The following SFMBT1 variants were observed in gnomAD, a reference collection of about 807,000 sequenced individuals.
SFMBT1 encodes scm-like with four MBT domains protein 1.
Under a neutral mutation model 108.7 loss-of-function variants are expected in SFMBT1, and 32 were observed. That is an observed-to-expected ratio of 0.29 (90% CI 0.22 to 0.40). The LOEUF is 0.40. SFMBT1 is among the 10% of genes least tolerant of loss of function. The pLI is 1.00. For missense variants in SFMBT1, 816 were observed against 1,059.6 expected, an observed-to-expected ratio of 0.77 and a Z score of 3.19; for synonymous variants, 348 against 369.5, an observed-to-expected ratio of 0.94 and a Z score of 0.67.
At position 52,969,207 on chromosome 3, in the gene SFMBT1, T is replaced by C. The variant is rs1704259053; in HGVS notation, c.-79A>G. 3.1e-6 allele frequency: 5 copies of C among 1,595,448 alleles called. No homozygotes were observed. In the South Asian group the frequency reaches 4.6e-5, roughly 15 times the overall value. On this transcript the variant is annotated 5_prime_UTR_variant, in exon 2 of 21. Transcript: ENST00000394752. ...GTTCTGCTAGGATCTGAAGATTACT[T>C]GCAGGTTTCAAGCATCTGTTCAATG...
Position 53,033,913 on chromosome 3 carries a change from T to TA in SFMBT1, c.-131+11902dup, listed in dbSNP as rs564118345. Among the ~76,000 whole-genome samples, 52 of 151,314 alleles carry TA rather than the reference T, an allele frequency of 3.4e-4. No individual in the cohort carries two copies. In the South Asian group the frequency reaches 0.01, roughly 30 times the overall value. ...GGAGAAACCCTGTCTCTACTAAAAA[T>TA]AAAAAAATTAGCGGGGTGTGGTGGC... On this transcript the variant is annotated intron_variant, in intron 1 of 20. Transcript: ENST00000394752.
At chr3:52,911,549 C>A (rs1702214086) in intron 16 of SFMBT1, among the ~76,000 whole-genome samples, 1 of 152,230 alleles carries the variant, frequency 6.6e-6, no homozygotes, top group African/African-American at 2.4e-5. Flanking sequence ...ACCAGTATGA[C>A]CTGCCAATTG....
chr3:52,945,139 A>AAAAAACAAAAAAAACAACAAC (rs1553636680), intron 3 of SFMBT1, among the ~76,000 whole-genome samples: 1 of 146,162 alleles, frequency 6.8e-6, no homozygotes, highest in South Asian at 2.2e-4. Context: ...TTCCAATTAA[A>AAAAAACAAAAAAAACAACAAC]AAAAAAAAAA....
At chr3:52,937,586 TTC>T (rs1430620286) in intron 4 of SFMBT1, among the ~76,000 whole-genome samples, 2 of 152,094 alleles carry the variant, frequency 1.3e-5, no homozygotes, top group East Asian at 3.8e-4. Flanking sequence ...AAATGATTCA[TTC>T]TTTTTTTTTT....
intron 3 of SFMBT1, among the ~76,000 whole-genome samples, chr3:52,947,229 T>C (rs1191310547): frequency 2.0e-5 from 3 of 152,010 alleles, no homozygotes; most frequent in Non-Finnish European, 4.4e-5. Context: ...GCCATTCTCC[T>C]GCCTCAGCCT....
At chr3:52,941,593 CAAAAAA>C (rs145581859) in intron 4 of SFMBT1, among the ~76,000 whole-genome samples, 950 of 64,058 alleles carry the variant, frequency 0.015, 13 homozygotes, top group Middle Eastern at 0.043. Flanking sequence ...GACTCTGTTT[CAAAAAA>C]AAAAAAAAAA....
intron 1 of SFMBT1, among the ~76,000 whole-genome samples, chr3:53,042,531 G>A (rs1317162463): frequency 6.6e-6 from 1 of 152,064 alleles, no homozygotes; most frequent in African/African-American, 2.4e-5. Context: ...TGGAGACACA[G>A]GGTCTCCCTT....
At chr3:53,043,639 G>A (rs1358787252) in intron 1 of SFMBT1, among the ~76,000 whole-genome samples, 1 of 152,176 alleles carries the variant, frequency 6.6e-6, no homozygotes, top group Non-Finnish European at 1.5e-5. Flanking sequence ...GGAAGTCATA[G>A]ATTAATACCA....
intron 13 of SFMBT1, 105 bp from the exon 14 acceptor site, chr3:52,916,319 C>A: frequency 1.2e-6 from 1 of 848,268 alleles, no homozygotes; most frequent in Non-Finnish European, 1.9e-6. Context: ...GTGGCATGTT[C>A]GCAAAATCTG....
intron 1 of SFMBT1, among the ~76,000 whole-genome samples, chr3:52,973,557 A>G (rs1002997783): frequency 3.9e-5 from 6 of 152,238 alleles, no homozygotes; most frequent in Non-Finnish European, 7.4e-5. Flanking sequence ...CTACCATGGA[A>G]TTTTAACAGG....
chr3:53,021,943 T>C (rs1699318090), intron 1 of SFMBT1, among the ~76,000 whole-genome samples: 1 of 152,200 alleles, frequency 6.6e-6, no homozygotes, highest in African/African-American at 2.4e-5. Context: ...CAGGAAGGGA[T>C]TCATAGAAGA....
intron 2 of SFMBT1, among the ~76,000 whole-genome samples, chr3:52,967,805 CA>C (rs1401724280): frequency 6.6e-6 from 1 of 152,110 alleles, no homozygotes; most frequent in Non-Finnish European, 1.5e-5. Context: ...ATGGCTTAAA[CA>C]AAAGTAATGA....
chr3:52,955,065 T>G (rs890287803), intron 2 of SFMBT1, among the ~76,000 whole-genome samples: 1 of 151,774 alleles, frequency 6.6e-6, no homozygotes, highest in African/African-American at 2.4e-5. Flanking sequence ...AAGATCAGAA[T>G]AGAACTGAAG....
At chr3:52,963,282 A>G (rs1704026897) in intron 2 of SFMBT1, among the ~76,000 whole-genome samples, 1 of 152,024 alleles carries the variant, frequency 6.6e-6, no homozygotes, top group Non-Finnish European at 1.5e-5. Context: ...GGCATGACCC[A>G]CCGCCCGGCC....
chr3:52,926,214 T>C lies in SFMBT1; in HGVS notation c.1049-101A>G. 4.2e-6 allele frequency: 4 copies of C among 954,054 alleles called. No homozygotes were observed. The South Asian group carries it at 4.6e-5, about 11-fold the overall frequency. 59.1% of individuals were successfully genotyped at this position (954,054 alleles called of 1,614,324 possible). A position where few individuals can be genotyped will look rare whatever the true frequency, so the allele number is the denominator to read the frequency against. Reference sequence around the variant, plus strand: ...GTCCACTCACAACTTCCAGTGATGCTAGTCTGACAACTTTGATCATTTTAG... The same window carrying C: ...GTCCACTCACAACTTCCAGTGATGCCAGTCTGACAACTTTGATCATTTTAG... On this transcript the variant is annotated intron_variant, in intron 9 of 20. Coordinates refer to ENST00000394752, the MANE Select transcript of SFMBT1 (RefSeq NM_016329.4).
chr3:53,022,385 C>T (rs868466943), intron 1 of SFMBT1, among the ~76,000 whole-genome samples: 49 of 147,912 alleles, frequency 3.3e-4, no homozygotes, highest in African/African-American at 1.2e-3. Context: ...AGGAGGTAGA[C>T]GCTGCAGTCA....
intron 12 of SFMBT1, among the ~76,000 whole-genome samples, chr3:52,920,230 C>G (rs1702479216): frequency 1.3e-5 from 2 of 152,302 alleles, no homozygotes; most frequent in Middle Eastern, 3.4e-3. Context: ...CAATAATAAT[C>G]TGTGTAAAGC....
chr3:53,034,071 CAAAAAAAAAAAAA>C (rs61046895), intron 1 of SFMBT1, among the ~76,000 whole-genome samples: 2 of 28,698 alleles, frequency 7.0e-5, no homozygotes, highest in Non-Finnish European at 6.5e-5. Context: ...ACTCTGTCTC[CAAAAAAAAAAAAA>C]AAAAAAAAAA....
At chr3:53,023,387 G>C (rs1056424535) in intron 1 of SFMBT1, among the ~76,000 whole-genome samples, 2 of 152,134 alleles carry the variant, frequency 1.3e-5, no homozygotes, top group African/African-American at 4.8e-5. Context: ...GGCTAAACTG[G>C]GATTTAATTC....
Sources: allele counts gnomAD v4.1 joint callset (sites outside exome capture counted in the v4.1 genomes callset), GRCh38; gene constraint gnomAD v4.1.1; transcripts MANE v1.5; gene names NCBI Gene and HGNC (gene_info 2026-07-23, HGNC 2026-07-21).